The following APCDD1L variants were observed in gnomAD, a reference collection of about 807,000 sequenced individuals.
APCDD1L encodes APC down-regulated 1 like.
APCDD1L carries 21 observed loss-of-function variants against 24.2 expected under a neutral mutation model. That is an observed-to-expected ratio of 0.87 (90% CI 0.61 to 1.25). APCDD1L has a LOEUF of 1.25. APCDD1L is among the 50% of genes most tolerant of loss of function. APCDD1L has a pLI of 0.00. For synonymous variants in APCDD1L, 321 were observed against 323.6 expected, an observed-to-expected ratio of 0.99 and a Z score of 0.09; for missense variants, 704 against 711.7, an observed-to-expected ratio of 0.99 and a Z score of 0.12.
chr20:58,513,936 G>C, intron 1 of APCDD1L: 2 of 1,302,498 alleles, frequency 1.5e-6, no homozygotes, highest in Admixed American at 4.6e-5. Flanking sequence ...GCCCCCAGCT[G>C]GGCACACTTC....
Position 58,467,790 on chromosome 20 carries a change from A to G in APCDD1L, c.189-132T>C. The G allele has an allele frequency of 1.1e-6, 1 of 934,912 alleles. No homozygotes were observed. The highest frequency in any genetic ancestry group is 1.4e-6 in the Non-Finnish European group (1 of 693,298). 57.9% of individuals were successfully genotyped at this position (934,912 alleles called of 1,614,324 possible). A position where few individuals can be genotyped will look rare whatever the true frequency, so the allele number is the denominator to read the frequency against. The stretch of plus-strand genomic sequence containing the variant: ...CCTCAGCTCAGGCCTGGGCCCCTCC[A>G]GCCTCAGTTCCCCTCACTGCTCGCA... On this transcript the variant is annotated intron_variant, in intron 2 of 3. Coordinates refer to ENST00000371149, the MANE Select transcript of APCDD1L (RefSeq NM_153360.3). The surrounding 1 kb of genome is among the most constrained non-coding windows in gnomAD (Gnocchi z 5.9).
At chr20:58,496,930 C>T (rs989034528) in intron 1 of APCDD1L, among the ~76,000 whole-genome samples, 1 of 152,206 alleles carries the variant, frequency 6.6e-6, no homozygotes, top group Non-Finnish European at 1.5e-5. Flanking sequence ...GTCAGTTAGA[C>T]TCTGGCCAGT....
rs888006064 is a variant in APCDD1L at position 58,461,086 on chromosome 20, T to A, written c.1210A>T (p.Ile404Phe). Residue 404 changes from isoleucine (I) to phenylalanine (F), a missense_variant, in exon 4 of 4, where the codon ATC becomes TTC. By Grantham distance (21) the Ile-to-Phe change is conservative (BLOSUM62 0). Transcript: ENST00000371149. The surrounding 1 kb of genome is among the most constrained non-coding windows in gnomAD (Gnocchi z 6.0). Reference protein sequence around the residue: ...TATNGCLPLGIRLPHVEYELF... With the variant: ...TATNGCLPLGFRLPHVEYELF... Reference sequence around the variant, plus strand: ...TCGTACTCCACATGCGGGAGCCGGATGCCCAGCGGTAGGCAGCCGTTGGTG... The same window carrying A: ...TCGTACTCCACATGCGGGAGCCGGAAGCCCAGCGGTAGGCAGCCGTTGGTG... 1 of 1,613,936 alleles carries A rather than the reference T, an allele frequency of 6.2e-7. No individual in the cohort carries two copies. Among genetic ancestry groups the A allele is most frequent in the African/African-American group, 1.3e-5 (1 of 74,900 alleles).
At chr20:58,492,696 AC>A (rs1773941509) in intron 1 of APCDD1L, among the ~76,000 whole-genome samples, 1 of 152,284 alleles carries the variant, frequency 6.6e-6, no homozygotes, top group Admixed American at 6.5e-5. Context: ...AATACATCTT[AC>A]ATCACCATCT....
In APCDD1L at chr20:58,460,937, C is replaced by T; in HGVS notation, c.1359G>A (p.Val453=). 3 of 1,613,946 alleles carry T rather than the reference C, an allele frequency of 1.9e-6. No homozygotes were observed. Among genetic ancestry groups the T allele is most frequent in the Non-Finnish European group, 2.5e-6 (3 of 1,179,914 alleles). The part of the protein sequence containing the change: ...KRPTSYQAPL[V]LCHGEAPDFS... ...AGTCGGGGGCCTCCCCATGACAGAG[C>T]ACCAGGGGTGCTTGGTAGGAGGTGG... The change falls in exon 4 of 4, where the codon GTG becomes GTA. Residue 453 remains valine (V), a synonymous_variant. Coordinates refer to ENST00000371149, the MANE Select transcript of APCDD1L (RefSeq NM_153360.3). This position sits in a 1 kb window ranked among gnomAD's most constrained non-coding sequence, Gnocchi z 4.2.
rs550618834 is a variant in APCDD1L at position 58,476,260 on chromosome 20, G to A, written c.50-5513C>T. Reference sequence around the variant, plus strand: ...GGCTGGAGTGCAGTGGTGCAATCTCGGCTCACTACAACCTCTGCCTCCCAG... The same window carrying A: ...GGCTGGAGTGCAGTGGTGCAATCTCAGCTCACTACAACCTCTGCCTCCCAG... On this transcript the variant is annotated intron_variant, in intron 1 of 3. Coordinates refer to ENST00000371149, the MANE Select transcript of APCDD1L (RefSeq NM_153360.3). 1.1e-4 allele frequency among the ~76,000 whole-genome samples: 16 copies of A among 152,176 alleles called. No homozygotes were observed. The South Asian group carries it at 1.5e-3, about 14-fold the overall frequency.
chr20:58,467,164 G>A lies in APCDD1L; in HGVS notation c.683C>T (p.Pro228Leu), dbSNP rs765942987. Residue 228 changes from proline (P) to leucine (L), a missense_variant, in exon 3 of 4, where the codon CCG becomes CTG. Coordinates refer to ENST00000371149, the MANE Select transcript of APCDD1L (RefSeq NM_153360.3). This position sits in a 1 kb window ranked among gnomAD's most constrained non-coding sequence, Gnocchi z 5.9. ...ELYLGDIHTD[P>L]AERRHYRPTG... ...GGGCCGGTAGTGCCGCCTCTCCGCC[G>A]GGTCGGTGTGGATGTCCCCCAGGTA... 7 of 1,607,686 alleles carry A rather than the reference G, an allele frequency of 4.4e-6. No individual in the cohort carries two copies. The highest frequency in any genetic ancestry group is 1.3e-5 in the African/African-American group (1 of 74,982).
chr20:58,495,690 A>G (rs1415388487), intron 1 of APCDD1L, among the ~76,000 whole-genome samples: 1 of 151,986 alleles, frequency 6.6e-6, no homozygotes, highest in African/African-American at 2.4e-5. Flanking sequence ...TGTTTGGGGG[A>G]AAGGGGTGAG....
intron 1 of APCDD1L, among the ~76,000 whole-genome samples, chr20:58,482,860 G>T (rs1194530715): frequency 6.6e-6 from 1 of 152,144 alleles, no homozygotes; most frequent in African/African-American, 2.4e-5. Flanking sequence ...TAAACCCCTA[G>T]CCTCCTTCCA....
intron 1 of APCDD1L, among the ~76,000 whole-genome samples, chr20:58,511,644 G>A (rs756775417): frequency 6.6e-6 from 1 of 152,190 alleles, no homozygotes; most frequent in Non-Finnish European, 1.5e-5. Flanking sequence ...AGTAGCAAGA[G>A]GAAGTCTCCA....
chr20:58,477,349 G>A (rs980300139), intron 1 of APCDD1L, among the ~76,000 whole-genome samples: 4 of 152,134 alleles, frequency 2.6e-5, no homozygotes, highest in Non-Finnish European at 5.9e-5. Flanking sequence ...TGTCTTCTAC[G>A]ACTTTGACAC....
At chr20:58,475,383 A>G (rs1419606455) in intron 1 of APCDD1L, among the ~76,000 whole-genome samples, 3 of 152,220 alleles carry the variant, frequency 2.0e-5, no homozygotes, top group South Asian at 4.1e-4. Context: ...AGAGGGTGTT[A>G]AAAGTGGCGG....
rs1989738764 is a variant in APCDD1L, at chr20:58,467,535, C to T, written c.312G>A (p.Leu104=). The T allele has an allele frequency of 1.3e-6, 2 of 1,591,660 alleles. No homozygotes were observed. The highest frequency in any genetic ancestry group is 1.7e-5 in the Admixed American group (1 of 57,428). ...GCAGGCGGACTTTGCCCTTGACGAG[C>T]AGCGAGTGGGCAGGTTCCCCGCAGA... ...DPFCGEPAHS[L]LVKGKVRLRR... is the part of the protein sequence containing the mutation. Residue 104 remains leucine (L), a synonymous_variant, in exon 3 of 4, where the codon CTG becomes CTA. Transcript: ENST00000371149. This position sits in a 1 kb window ranked among gnomAD's most constrained non-coding sequence, Gnocchi z 5.9.
intron 1 of APCDD1L, among the ~76,000 whole-genome samples, chr20:58,514,223 A>ACC (rs1322511051): frequency 6.6e-6 from 1 of 151,700 alleles, no homozygotes; most frequent in Non-Finnish European, 1.5e-5. Context: ...AGAAGCCCCG[A>ACC]CCCCGCACAG....
intron 1 of APCDD1L, among the ~76,000 whole-genome samples, chr20:58,509,600 G>T (rs1380661857): frequency 1.3e-5 from 2 of 152,148 alleles, no homozygotes; most frequent in Non-Finnish European, 2.9e-5. Context: ...CACAGAGAAG[G>T]CTCAGTAAGT....
Position 58,467,396 on chromosome 20 carries a change from G to C in APCDD1L, c.451C>G (p.Gln151Glu). The change falls in exon 3 of 4, where the codon CAG becomes GAG. Residue 151 changes from glutamine to glutamate, a missense_variant. Transcript: ENST00000371149. This position sits in a 1 kb window ranked among gnomAD's most constrained non-coding sequence, Gnocchi z 5.9. ...GCGCAGTCCCGGCCGGCGCGGGTCT[G>C]GTTGAGGCGCCCGGTGACGTCGACC... ...ALVDVTGRLN[Q>E]TRAGRDCARR... is the part of the protein sequence containing the mutation. 6.5e-7 allele frequency: 1 copy of C among 1,532,088 alleles called. No individual in the cohort carries two copies. The highest frequency in any genetic ancestry group is 1.2e-5 in the South Asian group (1 of 81,776). 94.9% of individuals were successfully genotyped at this position (1,532,088 alleles called of 1,614,324 possible). A position where few individuals can be genotyped will look rare whatever the true frequency, so the allele number is the denominator to read the frequency against.
At position 58,514,893 on chromosome 20, in the gene APCDD1L, T is replaced by A. The variant is rs1358200130; in HGVS notation, c.-186A>T. The A allele has an allele frequency of 4.9e-6, 2 of 404,522 alleles. No homozygotes were observed. The highest frequency in any genetic ancestry group is 2.2e-5 in the African/African-American group (1 of 46,494). 25.1% of individuals were successfully genotyped at this position (404,522 alleles called of 1,614,324 possible). On this transcript the variant is annotated 5_prime_UTR_variant, in exon 1 of 4. Transcript: ENST00000371149. ...CAGCCTTCCCGGCTGTTGATAGTTG[T>A]AAGCGGAGCTGCGCACTCATAGGTC...
intron 1 of APCDD1L, among the ~76,000 whole-genome samples, chr20:58,485,867 G>A (rs1990110038): frequency 1.3e-5 from 2 of 152,334 alleles, no homozygotes; most frequent in African/African-American, 2.4e-5. Context: ...GGGCCTGCCT[G>A]TAGAGCCCCT....
At chr20:58,490,164 A>C (rs1287414800) in intron 1 of APCDD1L, among the ~76,000 whole-genome samples, 1 of 152,212 alleles carries the variant, frequency 6.6e-6, no homozygotes, top group African/African-American at 2.4e-5. Context: ...TTTTGTTACC[A>C]ATCATTCAGA....
Sources: allele counts gnomAD v4.1 joint callset (sites outside exome capture counted in the v4.1 genomes callset), GRCh38; gene constraint gnomAD v4.1.1; non-coding constraint Gnocchi (gnomAD v3.1); transcripts MANE v1.5; gene names NCBI Gene and HGNC (gene_info 2026-07-23, HGNC 2026-07-21).